The following ACTG2 variants were observed in gnomAD, a reference collection of about 807,000 sequenced individuals.
The protein encoded by ACTG2 is actin gamma 2, smooth muscle.
In ACTG2, 16 loss-of-function variants were observed where a neutral mutation model predicts 37.6. The ratio of observed to expected loss-of-function variants is 0.43; its 90% CI spans 0.29 to 0.65. ACTG2 has a LOEUF of 0.65. Ranked by LOEUF, ACTG2 falls within the 30% of genes least tolerant of loss-of-function variation. The pLI is 0.18. For missense variants in ACTG2, 238 were observed against 490.9 expected, an observed-to-expected ratio of 0.48 and a Z score of 4.87; for synonymous variants, 181 against 179.9, an observed-to-expected ratio of 1.01 and a Z score of -0.05.
intron 1 of ACTG2, among the ~76,000 whole-genome samples, chr2:73,893,464 G>A (rs1455495948): frequency 6.6e-6 from 1 of 152,220 alleles, no homozygotes; most frequent in Non-Finnish European, 1.5e-5. Flanking sequence ...AGCCAACAGT[G>A]GTCCTGGTGT....
At chr2:73,905,212 CA>C (rs1328487636) in intron 3 of ACTG2, among the ~76,000 whole-genome samples, 1 of 151,626 alleles carries the variant, frequency 6.6e-6, no homozygotes, top group Non-Finnish European at 1.5e-5. Context: ...AAACACATGT[CA>C]ATTAAATATA....
intron 8 of ACTG2, 126 bp from the exon 9 acceptor site, chr2:73,919,305 TA>T (rs1680331561): frequency 1.8e-6 from 2 of 1,122,688 alleles, no homozygotes; most frequent in Non-Finnish European, 2.5e-6. Context: ...TAATCTAATC[TA>T]TCACAATGTT....
At chr2:73,902,327 A>G in intron 2 of ACTG2, 33 bp from the exon 3 acceptor site, 4 of 1,609,856 alleles carry the variant, frequency 2.5e-6, no homozygotes, top group Non-Finnish European at 1.7e-6. Context: ...GCCCTCAGCC[A>G]TTCATTTCTC....
chr2:73,917,284 G>C (rs1215415316), intron 8 of ACTG2, among the ~76,000 whole-genome samples: 1 of 152,208 alleles, frequency 6.6e-6, no homozygotes, highest in Non-Finnish European at 1.5e-5. Flanking sequence ...TCACACTATG[G>C]TATCTTTAAA....
intron 3 of ACTG2, chr2:73,902,865 C>T (rs1174411002): frequency 3.6e-5 from 43 of 1,194,978 alleles, no homozygotes; most frequent in Non-Finnish European, 4.6e-5. Flanking sequence ...GAGGACCTTT[C>T]CCTGCCTGAT....
intron 3 of ACTG2, among the ~76,000 whole-genome samples, chr2:73,906,473 T>TAAATAAAG (rs1173721271): frequency 2.1e-5 from 3 of 139,940 alleles, no homozygotes; most frequent in African/African-American, 7.4e-5. Context: ...AAAAAATAAA[T>TAAATAAAG]AAATAAATAA....
intron 1 of ACTG2, among the ~76,000 whole-genome samples, chr2:73,895,639 C>A (rs908542648): frequency 6.6e-6 from 1 of 152,216 alleles, no homozygotes; most frequent in African/African-American, 2.4e-5. Flanking sequence ...CACTTTCTGT[C>A]AAAATGAAAA....
chr2:73,913,792 C>A, intron 6 of ACTG2, 146 bp downstream of exon 6: 1 of 666,982 alleles, frequency 1.5e-6, no homozygotes, highest in Non-Finnish European at 2.5e-6. Context: ...TGGGGCTAGG[C>A]CTCTGGATAA....
chr2:73,904,494 T>C (rs919335694), intron 3 of ACTG2, among the ~76,000 whole-genome samples: 3 of 151,302 alleles, frequency 2.0e-5, no homozygotes, highest in African/African-American at 7.3e-5. Context: ...AAATCCTGTC[T>C]CTACTAAACA....
chr2:73,914,118 C>A (rs1284146794), intron 6 of ACTG2, among the ~76,000 whole-genome samples: 1 of 152,140 alleles, frequency 6.6e-6, no homozygotes, highest in African/African-American at 2.4e-5. Context: ...AGGCCTAAGG[C>A]TTTGTCAGAA....
At chr2:73,915,782 G>C (rs191559833) in intron 7 of ACTG2, among the ~76,000 whole-genome samples, 3 of 152,258 alleles carry the variant, frequency 2.0e-5, no homozygotes, top group Admixed American at 1.3e-4. Flanking sequence ...GCCACACACA[G>C]AAGACCATAT....
Position 73,911,361 on chromosome 2 carries a change from G to A in ACTG2, c.452-2124G>A, listed in dbSNP as rs551692965. Among the ~76,000 whole-genome samples, 4 of 152,170 alleles carry A rather than the reference G, an allele frequency of 2.6e-5. No individual in the cohort carries two copies. In the East Asian group the frequency reaches 5.8e-4, roughly 22 times the overall value. Reference sequence around the variant, plus strand: ...AATACAAAAAGTTAGCCGGGCATTGGTAGCTCACGCCTGTAGTCCCAGCTA... The same window carrying A: ...AATACAAAAAGTTAGCCGGGCATTGATAGCTCACGCCTGTAGTCCCAGCTA... On this transcript the variant is annotated intron_variant, in intron 5 of 8. Transcript: ENST00000345517.
chr2:73,899,043 G>A (rs890763583), intron 1 of ACTG2, among the ~76,000 whole-genome samples: 1 of 151,756 alleles, frequency 6.6e-6, no homozygotes. Flanking sequence ...ATCTCCTGAC[G>A]TCGTGATCCG....
chr2:73,900,680 C>T (rs996563623), intron 1 of ACTG2, among the ~76,000 whole-genome samples: 1 of 152,186 alleles, frequency 6.6e-6, no homozygotes, highest in African/African-American at 2.4e-5. Context: ...ATATGTTATG[C>T]TATTGATTTT....
intron 5 of ACTG2, among the ~76,000 whole-genome samples, chr2:73,910,565 C>T (rs1396626804): frequency 6.8e-6 from 1 of 146,256 alleles, no homozygotes; most frequent in African/African-American, 2.5e-5. Flanking sequence ...GTAGTGCGAT[C>T]TCAGCTCACT....
intron 3 of ACTG2, chr2:73,902,908 C>A: frequency 3.6e-6 from 3 of 833,670 alleles, no homozygotes; most frequent in Non-Finnish European, 3.6e-6. Flanking sequence ...AATATTTACT[C>A]AGGCCAGTGC....
At chr2:73,908,246 G>A in intron 3 of ACTG2, 3 of 470,296 alleles carry the variant, frequency 6.4e-6, no homozygotes, top group South Asian at 1.5e-5. Flanking sequence ...CCACGCCATT[G>A]TCAGGAGATA....
intron 7 of ACTG2, among the ~76,000 whole-genome samples, chr2:73,915,897 T>TGGG (rs1680256651): frequency 6.6e-6 from 1 of 151,662 alleles, no homozygotes; most frequent in South Asian, 2.1e-4. Flanking sequence ...GAGGGGAAAA[T>TGGG]GGGGAGTGAC....
At position 73,919,685 on chromosome 2, in the gene ACTG2, T is replaced by C; in HGVS notation, c.*110T>C. 7.9e-7 allele frequency: 1 copy of C among 1,264,390 alleles called. No homozygotes were observed. The highest frequency in any genetic ancestry group is 1.5e-5 in the South Asian group (1 of 68,210). 78.3% of individuals were successfully genotyped at this position (1,264,390 alleles called of 1,614,324 possible). A position where few individuals can be genotyped will look rare whatever the true frequency, so the allele number is the denominator to read the frequency against. ...TGTGTGGGGCTCTTTTTTCCTGGGC[T>C]ATGTCTCATACACAGTGCTAAGGAC... On this transcript the variant is annotated 3_prime_UTR_variant, in exon 9 of 9. Coordinates refer to ENST00000345517, the MANE Select transcript of ACTG2 (RefSeq NM_001615.4).
Sources: gnomAD v4.1 joint callset for allele counts (sites outside exome capture counted in the v4.1 genomes callset) on GRCh38, gnomAD v4.1.1 for gene constraint, MANE v1.5 for transcripts, NCBI Gene and HGNC (gene_info 2026-07-23, HGNC 2026-07-21) for gene names.